Variants in NLGN1 observed in about 807,000 individuals in gnomAD.
NLGN1 encodes neuroligin-1.
NLGN1 carries 12 observed loss-of-function variants against 65.5 expected under a neutral mutation model. That is an observed-to-expected ratio of 0.18 (90% CI 0.12 to 0.30). NLGN1 has a LOEUF of 0.30. Among genes scored for constraint, NLGN1 ranks in the 10% least tolerant of loss-of-function variants. NLGN1 has a pLI of 1.00. For synonymous variants in NLGN1, 350 were observed against 359.5 expected (o/e 0.97, Z 0.30); for missense variants, 750 against 1,007.1 (o/e 0.74, Z 3.46).
At chr3:173,621,352 G>A (rs912812953) in intron 3 of NLGN1, among the ~76,000 whole-genome samples, 16 of 152,092 alleles carry the variant, frequency 1.1e-4, no homozygotes, top group African/African-American at 3.4e-4. Context: ...TCTGGTAAGG[G>A]GAAAGGCATT....
At chr3:173,514,492 T>C (rs1325156087) in intron 2 of NLGN1, among the ~76,000 whole-genome samples, 1 of 152,218 alleles carries the variant, frequency 6.6e-6, no homozygotes, top group East Asian at 1.9e-4. Flanking sequence ...TTATTTATTT[T>C]AAATTTTAAT....
intron 2 of NLGN1, among the ~76,000 whole-genome samples, chr3:173,576,321 A>G (rs990398512): frequency 6.6e-6 from 1 of 152,174 alleles, no homozygotes; most frequent in African/African-American, 2.4e-5. Context: ...AAATAAGTGT[A>G]TTAGTTTTCT....
rs541610937 is a variant in NLGN1 at position 173,977,109 on chromosome 3, ACACACACACACACG to A, written c.646+169291_646+169304del. On this transcript the variant is annotated intron_variant, in intron 4 of 6. Coordinates refer to ENST00000457714, the Ensembl canonical transcript of NLGN1. ...GAAAAAGATACACACACACACACGC[ACACACACACACACG>A]CACACACACACACACCATTTCAACT... Among the ~76,000 whole-genome samples the A allele has an allele frequency of 4.8e-3, 718 of 149,210 alleles. 16 individuals are homozygous for A. The highest frequency in any genetic ancestry group is 0.017 in the African/African-American group (671 of 39,562).
intron 1 of NLGN1, among the ~76,000 whole-genome samples, chr3:173,403,902 A>G (rs1468732036): frequency 6.6e-6 from 1 of 152,062 alleles, no homozygotes; most frequent in East Asian, 1.9e-4. Flanking sequence ...CCCTGAATGA[A>G]TGTATGTTTG....
intron 2 of NLGN1, among the ~76,000 whole-genome samples, chr3:173,531,564 T>TACACACACACACACACACAC (rs147720926): frequency 5.9e-4 from 87 of 148,258 alleles, no homozygotes; most frequent in East Asian, 1.6e-3. Context: ...CTGTGTGAAA[T>TACACACACACACACACACAC]ACACACACAC....
chr3:173,504,653 C>A (rs184179169), intron 2 of NLGN1, among the ~76,000 whole-genome samples: 1 of 152,008 alleles, frequency 6.6e-6, no homozygotes, highest in African/African-American at 2.4e-5. Flanking sequence ...TCTCTTTCAC[C>A]CTTCAACCCA....
At chr3:173,796,727 C>T (rs544051293) in intron 3 of NLGN1, among the ~76,000 whole-genome samples, 7 of 152,110 alleles carry the variant, frequency 4.6e-5, no homozygotes, top group African/African-American at 1.7e-4. Flanking sequence ...TTGAGATATC[C>T]ATTTAAACTG....
chr3:174,266,844 CTT>C (rs1748345439), intron 4 of NLGN1, among the ~76,000 whole-genome samples: 1 of 151,902 alleles, frequency 6.6e-6, no homozygotes, highest in Non-Finnish European at 1.5e-5. Context: ...TTTTTAAAAA[CTT>C]TTTTCTTTTA....
At chr3:174,096,497 A>G (rs998301965) in intron 4 of NLGN1, among the ~76,000 whole-genome samples, 20 of 152,134 alleles carry the variant, frequency 1.3e-4, no homozygotes, top group Non-Finnish European at 2.5e-4. Flanking sequence ...TTGTAAATAT[A>G]CCTCTACCAT....
At chr3:173,789,983 G>A (rs1712311238) in intron 3 of NLGN1, 1 of 429,278 alleles carries the variant, frequency 2.3e-6, no homozygotes, top group Non-Finnish European at 4.7e-6. Flanking sequence ...TTAATCCTTT[G>A]TTGTCATAAC....
At chr3:174,079,188 A>G (rs749148358) in intron 4 of NLGN1, among the ~76,000 whole-genome samples, 2 of 152,106 alleles carry the variant, frequency 1.3e-5, no homozygotes, top group African/African-American at 4.8e-5. Flanking sequence ...AAAAAAATTT[A>G]CAAGAAAAAA....
chr3:173,725,657 A>G (rs780648395), intron 3 of NLGN1, among the ~76,000 whole-genome samples: 3 of 152,182 alleles, frequency 2.0e-5, no homozygotes, highest in Non-Finnish European at 4.4e-5. Flanking sequence ...TCTTAAAACC[A>G]CATACATTTA....
At chr3:173,584,787 A>AG (rs3830427) in intron 2 of NLGN1, 55,847 of 147,318 alleles carry the variant, frequency 0.38, 11,767 homozygotes, top group East Asian at 0.71. Context: ...ATAAAAAAGG[A>AG]GGGGGGGGTG....
chr3:173,429,771 C>T (rs1716856298), intron 1 of NLGN1, among the ~76,000 whole-genome samples: 2 of 152,286 alleles, frequency 1.3e-5, no homozygotes, highest in Admixed American at 1.3e-4. Flanking sequence ...GAGTGCTGCC[C>T]ATCCCAGATT....
At chr3:174,198,798 A>G (rs1473212967) in intron 4 of NLGN1, among the ~76,000 whole-genome samples, 2 of 150,280 alleles carry the variant, frequency 1.3e-5, no homozygotes, top group Admixed American at 1.3e-4. Context: ...TTAATGACAA[A>G]GGTAATGTGC....
chr3:173,828,749 G>C (rs1721870137), intron 4 of NLGN1, among the ~76,000 whole-genome samples: 1 of 151,950 alleles, frequency 6.6e-6, no homozygotes, highest in South Asian at 2.1e-4. Context: ...ATATCATGTT[G>C]ATATCTGAGG....
chr3:173,630,734 C>A (rs888206281), intron 3 of NLGN1, among the ~76,000 whole-genome samples: 11 of 152,104 alleles, frequency 7.2e-5, no homozygotes, highest in Non-Finnish European at 1.3e-4. Flanking sequence ...AAAGTCCCTT[C>A]CTTAACATGT....
At chr3:174,182,342 G>T (rs1323453909) in intron 4 of NLGN1, among the ~76,000 whole-genome samples, 1 of 152,008 alleles carries the variant, frequency 6.6e-6, no homozygotes, top group Non-Finnish European at 1.5e-5. Context: ...AAATCAACTA[G>T]CAAGTACCTG....
intron 3 of NLGN1, among the ~76,000 whole-genome samples, chr3:173,758,085 A>G (rs1371348735): frequency 6.6e-6 from 1 of 151,984 alleles, no homozygotes; most frequent in East Asian, 1.9e-4. Flanking sequence ...ATCTGAAACT[A>G]TTGCTGGCCT....
Sources: allele counts gnomAD v4.1 joint callset (sites outside exome capture counted in the v4.1 genomes callset), GRCh38; gene constraint gnomAD v4.1.1; transcripts MANE v1.5; gene names NCBI Gene and HGNC (gene_info 2026-07-23, HGNC 2026-07-21).